The following PTPRN2 variants were observed in gnomAD, a reference collection of about 807,000 sequenced individuals.
PTPRN2 encodes the protein receptor-type tyrosine-protein phosphatase N2.
Under a neutral mutation model 118.8 loss-of-function variants are expected in PTPRN2, and 74 were observed. The ratio of observed to expected loss-of-function variants is 0.62; its 90% confidence interval spans 0.52 to 0.76. The LOEUF is 0.76. PTPRN2 is among the 30% of genes least tolerant of loss of function. The pLI is 0.00. For synonymous variants in PTPRN2, 641 were observed against 608.0 expected, an observed-to-expected ratio of 1.05 and a Z score of -0.80; for missense variants, 1,481 against 1,394.4, an observed-to-expected ratio of 1.06 and a Z score of -0.99.
intron 22 of PTPRN2, among the ~76,000 whole-genome samples, chr7:157,545,588 T>C (rs540841049): frequency 5.3e-5 from 8 of 152,072 alleles, no homozygotes; most frequent in Non-Finnish European, 1.2e-4. Context: ...GTTCAGCCCC[T>C]GGGTGCCTGG....
chr7:157,708,109 G>A (rs1372582207), intron 12 of PTPRN2, among the ~76,000 whole-genome samples: 6 of 152,252 alleles, frequency 3.9e-5, no homozygotes, highest in African/African-American at 1.4e-4. Flanking sequence ...CCTGTAAGCA[G>A]GACAGTGGCC....
intron 2 of PTPRN2, among the ~76,000 whole-genome samples, chr7:158,332,923 A>G (rs1280631847): frequency 1.3e-5 from 2 of 150,042 alleles, no homozygotes; most frequent in African/African-American, 5.0e-5. Flanking sequence ...CTCTCACCAT[A>G]AGAAGTGACA....
intron 13 of PTPRN2, among the ~76,000 whole-genome samples, chr7:157,663,771 C>T (rs771916151): frequency 8.5e-5 from 13 of 152,266 alleles, no homozygotes; most frequent in Non-Finnish European, 1.5e-4. Flanking sequence ...GTCTCATTCA[C>T]TGGTCCTTTA....
chr7:157,645,732 C>T (rs1483791498), intron 14 of PTPRN2, among the ~76,000 whole-genome samples: 3 of 152,278 alleles, frequency 2.0e-5, no homozygotes, highest in East Asian at 1.9e-4. Context: ...ACAGCAGCAC[C>T]GGCTGGCCCT....
chr7:158,272,003 C>A (rs1055033551), intron 3 of PTPRN2, among the ~76,000 whole-genome samples: 3 of 152,192 alleles, frequency 2.0e-5, no homozygotes, highest in East Asian at 1.9e-4. Context: ...AAAATGAATT[C>A]GTTTGACATT....
At chr7:158,451,380 C>T (rs1475121580) in intron 2 of PTPRN2, among the ~76,000 whole-genome samples, 1 of 152,118 alleles carries the variant, frequency 6.6e-6, no homozygotes, top group African/African-American at 2.4e-5. Flanking sequence ...TCAGTAATTT[C>T]CTTTGCAATT....
intron 11 of PTPRN2, among the ~76,000 whole-genome samples, chr7:157,920,398 T>C (rs10253045): frequency 0.79 from 120,857 of 152,156 alleles, 48,222 homozygotes; most frequent in African/African-American, 0.86. Context: ...CAAGCGCAGT[T>C]CACAGTTTAC....
At chr7:157,604,346 C>T (rs1801878852) in intron 15 of PTPRN2, among the ~76,000 whole-genome samples, 1 of 152,240 alleles carries the variant, frequency 6.6e-6, no homozygotes, top group Non-Finnish European at 1.5e-5. Flanking sequence ...TTCCTGCTCC[C>T]ATCCTCCCCT....
chr7:158,039,200 T>G lies in PTPRN2; in HGVS notation c.1723+42098A>C, dbSNP rs148176295. Among the ~76,000 whole-genome samples, 4 of 152,326 alleles carry G rather than the reference T, an allele frequency of 2.6e-5. No homozygotes were observed. The East Asian group carries it at 7.7e-4, about 29-fold the overall frequency. ...TCTGCGTGGATAAATCCTCAAAATA[T>G]AATTCTGTGTGAAAAACACATCTTG... On this transcript the variant is annotated intron_variant, in intron 11 of 22. Transcript: ENST00000389418.
intron 8 of PTPRN2, among the ~76,000 whole-genome samples, chr7:158,134,405 C>T (rs966411143): frequency 8.5e-5 from 13 of 152,064 alleles, no homozygotes; most frequent in Admixed American, 8.5e-4. Flanking sequence ...TGTGTGATAT[C>T]AAGATCCCAC....
chr7:158,136,778 A>C lies in PTPRN2; in HGVS notation c.1133-83T>G. The C allele has an allele frequency of 7.7e-6, 10 of 1,301,284 alleles. No homozygotes were observed. In the South Asian group the frequency reaches 1.2e-4, roughly 16 times the overall value. 80.6% of individuals were successfully genotyped at this position (1,301,284 alleles called of 1,614,324 possible). On this transcript the variant is annotated intron_variant, in intron 7 of 22. Transcript: ENST00000389418. ...ACAGACATAAAAAGGGTGACCCTGC[A>C]GACCCCTCCATACGAAAGGTGAGGT...
chr7:158,260,472 CA>C (rs1477152976), intron 3 of PTPRN2, among the ~76,000 whole-genome samples: 1 of 152,150 alleles, frequency 6.6e-6, no homozygotes, highest in Non-Finnish European at 1.5e-5. Context: ...AGCAGAGACA[CA>C]ACCGGATACG....
intron 2 of PTPRN2, among the ~76,000 whole-genome samples, chr7:158,439,875 A>G (rs1586674452): frequency 6.6e-6 from 1 of 152,308 alleles, no homozygotes; most frequent in Middle Eastern, 3.4e-3. Flanking sequence ...TGTGGAAATA[A>G]TTTTGCAACG....
Position 157,548,968 on chromosome 7 carries a change from C to T in PTPRN2, c.2954G>A (p.Arg985Lys), listed in dbSNP as rs1173580188. 1.2e-6 allele frequency: 2 copies of T among 1,614,060 alleles called. No homozygotes were observed. Among genetic ancestry groups the T allele is most frequent in the Admixed American group, 3.3e-5 (2 of 60,006 alleles). The change falls in exon 22 of 23, where the codon AGA becomes AAA. Residue 985 changes from arginine (R) to lysine (K), a missense_variant. Physicochemically the swap from Arg to Lys is conservative, Grantham distance 26. Coordinates refer to ENST00000389418, the MANE Select transcript of PTPRN2 (RefSeq NM_002847.5). The part of the protein sequence containing the change: ...AATLEHLRDQ[R>K]PGMVQTKEQF... ...TACCTTCGTCTGGACCATGCCGGGT[C>T]TCTGGTCCCTCAAGTGCTCCAGGGT... is the stretch of plus-strand genomic sequence containing the variant.
intron 2 of PTPRN2, among the ~76,000 whole-genome samples, chr7:158,445,123 G>A (rs1817634827): frequency 6.6e-6 from 1 of 152,180 alleles, no homozygotes; most frequent in South Asian, 2.1e-4. Context: ...CTCCTCCCAG[G>A]CATGTCCCAG....
At chr7:157,999,898 A>G (rs955696619) in intron 11 of PTPRN2, among the ~76,000 whole-genome samples, 1 of 149,670 alleles carries the variant, frequency 6.7e-6, no homozygotes, top group African/African-American at 2.5e-5. Flanking sequence ...TTTCATTATT[A>G]TTTTTTGAGT....
intron 12 of PTPRN2, among the ~76,000 whole-genome samples, chr7:157,766,478 C>T (rs2151017821): frequency 6.6e-6 from 1 of 152,232 alleles, no homozygotes; most frequent in East Asian, 1.9e-4. Context: ...TCCACCCATC[C>T]TTCCTCCATC....
intron 1 of PTPRN2, among the ~76,000 whole-genome samples, chr7:158,560,064 A>G (rs1342219573): frequency 1.3e-5 from 2 of 152,148 alleles, no homozygotes; most frequent in Non-Finnish European, 2.9e-5. Flanking sequence ...GATGATTCTA[A>G]CCACCTCGTA....
At position 158,554,847 on chromosome 7, in the gene PTPRN2, C is replaced by T. The variant is rs367735733; in HGVS notation, c.112+32711G>A. Among the ~76,000 whole-genome samples the T allele has an allele frequency of 1.4e-3, 212 of 152,300 alleles. 6 individuals carry two copies. The South Asian group carries it at 0.041, about 30-fold the overall frequency. On this transcript the variant is annotated intron_variant, in intron 1 of 22. Coordinates refer to ENST00000389418, the MANE Select transcript of PTPRN2 (RefSeq NM_002847.5). ...GGAATGCCGCACATAGCCATCTCTG[C>T]CCCAAACAGCAGCCCCCTCTATATG...
Sources: allele counts gnomAD v4.1 joint callset (sites outside exome capture counted in the v4.1 genomes callset), GRCh38; gene constraint gnomAD v4.1.1; transcripts MANE v1.5; gene names NCBI Gene and HGNC (gene_info 2026-07-23, HGNC 2026-07-21).